Variants in GRB10 observed in about 807,000 individuals in gnomAD.
GRB10 encodes growth factor receptor-bound protein 10.
GRB10 carries 20 observed loss-of-function variants against 80.9 expected under a neutral mutation model. That is an observed-to-expected ratio of 0.25 (90% CI 0.17 to 0.36). The LOEUF (loss-of-function observed/expected upper bound fraction) is 0.36, where lower values mean the gene tolerates loss of function less well. Among genes scored for constraint, GRB10 ranks in the 10% least tolerant of loss-of-function variants. GRB10 has a pLI of 1.00. For synonymous variants in GRB10, 291 were observed against 291.5 expected, an observed-to-expected ratio of 1.00 and a Z score of 0.02; for missense variants, 548 against 747.7, an observed-to-expected ratio of 0.73 and a Z score of 3.12.
At chr7:50,765,832 T>C (rs2076288368) in intron 2 of GRB10, among the ~76,000 whole-genome samples, 1 of 152,150 alleles carries the variant, frequency 6.6e-6, no homozygotes, top group Admixed American at 6.5e-5. Context: ...AGAGAAGAAT[T>C]TGAATGTTTC....
At chr7:50,683,478 T>C (rs1016424542) in intron 5 of GRB10, among the ~76,000 whole-genome samples, 1 of 152,224 alleles carries the variant, frequency 6.6e-6, no homozygotes, top group Non-Finnish European at 1.5e-5. Context: ...GGCTCACGCC[T>C]GTAATCCCAG....
At chr7:50,647,557 A>C (rs1173791984) in intron 7 of GRB10, among the ~76,000 whole-genome samples, 1 of 152,240 alleles carries the variant, frequency 6.6e-6, no homozygotes, top group Non-Finnish European at 1.5e-5. Flanking sequence ...ATGGAACTTC[A>C]TTCAAGTAGG....
chr7:50,677,684 T>G (rs1193431918), intron 5 of GRB10, among the ~76,000 whole-genome samples: 1 of 152,088 alleles, frequency 6.6e-6, no homozygotes, highest in East Asian at 1.9e-4. Context: ...GCAAAACAAT[T>G]AGCACGAGCG....
chr7:50,623,500 A>C (rs1029646953), intron 8 of GRB10, among the ~76,000 whole-genome samples: 2 of 152,036 alleles, frequency 1.3e-5, no homozygotes, highest in African/African-American at 4.8e-5. Context: ...GGCAGGAAAA[A>C]CCACCCTCAG....
chr7:50,594,611 C>A (rs2046312435), intron 18 of GRB10, among the ~76,000 whole-genome samples: 1 of 152,214 alleles, frequency 6.6e-6, no homozygotes, highest in Non-Finnish European at 1.5e-5. Context: ...CAAACATTAT[C>A]ATTACCTGCA....
At chr7:50,593,166 G>T in intron 18 of GRB10, 68 bp from the exon 19 acceptor site, 1 of 1,553,920 alleles carries the variant, frequency 6.4e-7, no homozygotes. Flanking sequence ...GGGGCCCACG[G>T]CCAGCAGCAG....
rs754306576 is a variant in GRB10, at chr7:50,618,169, A to G, written c.778-30T>C. ...GAAAATGGGAAAAAACAAATACGTA[A>G]AAGGTTAGCTTCAAAGTGAGGGAAG... On this transcript the variant is annotated intron_variant, in intron 9 of 18. Transcript: ENST00000401949. The G allele has an allele frequency of 2.6e-6, 4 of 1,549,822 alleles. No individual in the cohort carries two copies. In the South Asian group the frequency reaches 4.5e-5, roughly 17 times the overall value.
intron 7 of GRB10, among the ~76,000 whole-genome samples, chr7:50,656,551 T>C (rs1349540343): frequency 6.6e-6 from 1 of 152,146 alleles, no homozygotes; most frequent in Non-Finnish European, 1.5e-5. Context: ...CACCCAGAAA[T>C]AGCCACGGAA....
chr7:50,612,415 C>T (rs1443398089), intron 13 of GRB10, among the ~76,000 whole-genome samples: 2 of 152,122 alleles, frequency 1.3e-5, no homozygotes, highest in African/African-American at 2.4e-5. Context: ...TGGCATCTAG[C>T]AGGCAGAGAC....
chr7:50,674,365 C>T, intron 6 of GRB10, 71 bp downstream of exon 6: 2 of 1,440,594 alleles, frequency 1.4e-6, no homozygotes, highest in Middle Eastern at 2.4e-4. Flanking sequence ...CCATTTAACT[C>T]ACAGAGAGCA....
intron 3 of GRB10, among the ~76,000 whole-genome samples, chr7:50,736,627 T>TA (rs891178970): frequency 2.6e-5 from 4 of 151,994 alleles, no homozygotes; most frequent in African/African-American, 7.3e-5. Flanking sequence ...ACACCGCCTC[T>TA]AAAAAAATTA....
At chr7:50,678,175 T>G (rs2061158511) in intron 5 of GRB10, among the ~76,000 whole-genome samples, 1 of 152,148 alleles carries the variant, frequency 6.6e-6, no homozygotes, top group African/African-American at 2.4e-5. Context: ...TGCAATTAGG[T>G]CAAATGCAAA....
chr7:50,598,518 C>T (rs1354783420), intron 17 of GRB10, among the ~76,000 whole-genome samples: 1 of 152,184 alleles, frequency 6.6e-6, no homozygotes, highest in Non-Finnish European at 1.5e-5. Context: ...GATCAGAGTA[C>T]AATCTAGACC....
chr7:50,666,090 C>T (rs1322585639), intron 7 of GRB10, among the ~76,000 whole-genome samples: 1 of 152,184 alleles, frequency 6.6e-6, no homozygotes, highest in Non-Finnish European at 1.5e-5. Flanking sequence ...AGGGAGAGGA[C>T]GCAAGGCAGC....
At chr7:50,719,320 A>G (rs1043046403) in intron 4 of GRB10, among the ~76,000 whole-genome samples, 3 of 152,212 alleles carry the variant, frequency 2.0e-5, no homozygotes, top group African/African-American at 7.2e-5. Flanking sequence ...AGGCAAAAGA[A>G]TATCACTGCA....
At chr7:50,783,544 T>TCC (rs1272521289), upstream of GRB10, among the ~76,000 whole-genome samples, 1 of 139,398 alleles carries the variant, frequency 7.2e-6, no homozygotes, top group African/African-American at 2.7e-5. Context: ...TCACACATAC[T>TCC]CCCCCACCCC....
intron 4 of GRB10, chr7:50,710,953 G>T (rs2153674723): frequency 1.3e-6 from 2 of 1,566,802 alleles, no homozygotes; most frequent in East Asian, 2.2e-5. Flanking sequence ...TCACGTGGCT[G>T]TGTCCTCAGC....
chr7:50,621,351 T>G (rs2051704553), intron 8 of GRB10, among the ~76,000 whole-genome samples: 1 of 152,212 alleles, frequency 6.6e-6, no homozygotes, highest in Admixed American at 6.5e-5. Flanking sequence ...AAACTGACTG[T>G]GTATCCTGAC....
intron 4 of GRB10, among the ~76,000 whole-genome samples, chr7:50,706,160 C>T (rs936954787): frequency 3.6e-4 from 55 of 152,184 alleles, no homozygotes; most frequent in African/African-American, 1.2e-3. Flanking sequence ...ATAGCATTCC[C>T]GTGGTCTTTG....
Sources: allele counts gnomAD v4.1 joint callset (sites outside exome capture counted in the v4.1 genomes callset), GRCh38; gene constraint gnomAD v4.1.1; transcripts MANE v1.5; gene names NCBI Gene and HGNC (gene_info 2026-07-23, HGNC 2026-07-21).